The following TENT4A variants were observed in gnomAD, a reference collection of about 807,000 sequenced individuals.
TENT4A encodes DNA polymerase kappa.
TENT4A carries 7 observed loss-of-function variants against 72.8 expected under a neutral mutation model. The ratio of observed to expected loss-of-function variants is 0.10; its 90% CI spans 0.05 to 0.18. The LOEUF (loss-of-function observed/expected upper bound fraction) is 0.18. TENT4A is among the 10% of genes least tolerant of loss of function. The probability of loss-of-function intolerance (pLI) is 1.00; values close to 1 mark genes in which losing one functional copy is unlikely to be tolerated. For missense variants in TENT4A, 831 were observed against 1,017.7 expected, an observed-to-expected ratio of 0.82 and a Z score of 2.50; for synonymous variants, 456 against 434.3, an observed-to-expected ratio of 1.05 and a Z score of -0.62.
chr5:6,744,754 C>G (rs908127473), intron 6 of TENT4A, among the ~76,000 whole-genome samples: 12 of 152,170 alleles, frequency 7.9e-5, no homozygotes, highest in African/African-American at 2.9e-4. Flanking sequence ...CTTCACTTTC[C>G]CCTCTGAGAT....
At chr5:6,736,698 TG>T (rs1462625625) in intron 1 of TENT4A, among the ~76,000 whole-genome samples, 1 of 152,212 alleles carries the variant, frequency 6.6e-6, no homozygotes, top group East Asian at 1.9e-4. Context: ...TTGGAGCCCA[TG>T]GGGTGACAGG....
intron 2 of TENT4A, 145 bp from the exon 3 acceptor site, chr5:6,738,538 G>T: frequency 1.4e-6 from 1 of 691,868 alleles, no homozygotes; most frequent in East Asian, 2.5e-5. Flanking sequence ...CTGGTTGATT[G>T]TTATACGGTC....
intron 3 of TENT4A, among the ~76,000 whole-genome samples, 179 bp from the exon 4 acceptor site, chr5:6,739,553 G>A (rs1262861110): frequency 2.0e-5 from 3 of 152,192 alleles, no homozygotes; most frequent in Admixed American, 1.3e-4. Flanking sequence ...TAAGTTCAGC[G>A]AGGACTTGCT....
intron 1 of TENT4A, among the ~76,000 whole-genome samples, chr5:6,716,180 C>CT (rs1313905831): frequency 6.6e-6 from 1 of 152,142 alleles, no homozygotes; most frequent in Non-Finnish European, 1.5e-5. Flanking sequence ...CCAGGTAACT[C>CT]TAGTCAGGCT....
intron 1 of TENT4A, among the ~76,000 whole-genome samples, chr5:6,721,073 G>A (rs1044107218): frequency 7.9e-5 from 12 of 152,204 alleles, no homozygotes; most frequent in African/African-American, 2.7e-4. Context: ...TTTGGCTCTT[G>A]TGGAGTTGCT....
rs552346576 is a variant in TENT4A, at chr5:6,729,512, C to T, written c.717-7998C>T. ...CTTGAGCTAGCAAGCAAGGCTTGCA[C>T]TAGCTTCCAGGCGCAGTCACGCAGT... On this transcript the variant is annotated intron_variant, in intron 1 of 12. Coordinates refer to ENST00000230859, the MANE Select transcript of TENT4A (RefSeq NM_006999.6). 1.2e-4 allele frequency among the ~76,000 whole-genome samples: 18 copies of T among 152,386 alleles called. No individual in the cohort carries two copies. In the South Asian group the frequency reaches 3.5e-3, roughly 30 times the overall value.
chr5:6,750,300 A>T, intron 9 of TENT4A, 31 bp from the exon 10 acceptor site: 1 of 1,583,924 alleles, frequency 6.3e-7, no homozygotes, highest in Admixed American at 1.8e-5. Flanking sequence ...AGTTCTCAGG[A>T]GTTATTAACC....
intron 1 of TENT4A, among the ~76,000 whole-genome samples, chr5:6,731,685 C>T (rs1044359361): frequency 2.0e-5 from 3 of 152,110 alleles, no homozygotes; most frequent in Admixed American, 6.5e-5. Flanking sequence ...GACTGCAGGC[C>T]TGGGCCAAAA....
Position 6,741,405 on chromosome 5 carries a change from A to AG in TENT4A, c.1009-1084dup, listed in dbSNP as rs28363366. Among the ~76,000 whole-genome samples the AG allele has an allele frequency of 3.9e-3, 593 of 152,244 alleles. 4 individuals carry two copies. The highest frequency in any genetic ancestry group is 0.014 in the African/African-American group (568 of 41,540). On this transcript the variant is annotated intron_variant, in intron 4 of 12. Transcript: ENST00000230859. The stretch of plus-strand genomic sequence containing the variant: ...GGATTTGGGGTTCCTGCCGTGAGTG[A>AG]GTGTGTGCAAGAGTAGGGCAGGAGA...
chr5:6,715,504 G>C (rs369799564), intron 1 of TENT4A, among the ~76,000 whole-genome samples: 3 of 152,204 alleles, frequency 2.0e-5, no homozygotes, highest in African/African-American at 7.2e-5. Flanking sequence ...GGGCTTTTCT[G>C]AGCGTCTGGA....
intron 12 of TENT4A, among the ~76,000 whole-genome samples, chr5:6,754,357 C>T (rs566713335): frequency 3.3e-5 from 5 of 152,224 alleles, no homozygotes; most frequent in South Asian, 2.1e-4. Flanking sequence ...TTAGTAGAGA[C>T]GGGGTTTCAC....
rs774404623 is a variant in TENT4A at position 6,752,951 on chromosome 5, T to C, written c.2098T>C (p.Ser700Pro). 34 of 1,614,016 alleles carry C rather than the reference T, an allele frequency of 2.1e-5. No homozygotes were observed. The East Asian group carries it at 7.1e-4, about 34-fold the overall frequency. The change falls in exon 12 of 13, where the codon TCT becomes CCT. Residue 700 changes from serine to proline, a missense_variant. Ser to Pro is a moderately conservative substitution (Grantham distance 74, BLOSUM62 -1). Coordinates refer to ENST00000230859, the MANE Select transcript of TENT4A (RefSeq NM_006999.6). Reference sequence around the variant, plus strand: ...ACAAGCTGGTGTAGAAGGAACTGCGTCTTTGAAAGCCGTCCACCACATGTC... The same window carrying C: ...ACAAGCTGGTGTAGAAGGAACTGCGCCTTTGAAAGCCGTCCACCACATGTC... Reference protein sequence around the residue: ...CRQAGVEGTASLKAVHHMSSP... With the variant: ...CRQAGVEGTAPLKAVHHMSSP...
chr5:6,732,512 G>A (rs1741263492), intron 1 of TENT4A, among the ~76,000 whole-genome samples: 1 of 152,172 alleles, frequency 6.6e-6, no homozygotes, highest in Admixed American at 6.5e-5. Flanking sequence ...TGCTGATCTT[G>A]CTTTTCAGTA....
intron 1 of TENT4A, among the ~76,000 whole-genome samples, chr5:6,721,657 G>GC (rs1740660810): frequency 6.6e-6 from 1 of 152,228 alleles, no homozygotes; most frequent in African/African-American, 2.4e-5. Flanking sequence ...CCACATCTGG[G>GC]CCCGGGCGGG....
Position 6,755,191 on chromosome 5 carries a change from A to G in TENT4A, c.*246A>G. The G allele has an allele frequency of 2.6e-6, 1 of 389,866 alleles. No individual in the cohort carries two copies. The highest frequency in any genetic ancestry group is 4.6e-6 in the Non-Finnish European group (1 of 217,530). The allele number at this position is 389,866 out of a possible 1,614,324, so 24.2% of individuals were successfully genotyped here. A position where few individuals can be genotyped will look rare whatever the true frequency, so the allele number is the denominator to read the frequency against. On this transcript the variant is annotated 3_prime_UTR_variant, in exon 13 of 13. Coordinates refer to ENST00000230859, the MANE Select transcript of TENT4A (RefSeq NM_006999.6). Reference sequence around the variant, plus strand: ...TCTGCCTTCCCAGGATTCTTCCTTCAGTGCTGAGGCAGGTCGGGCTCAGGA... The same window carrying G: ...TCTGCCTTCCCAGGATTCTTCCTTCGGTGCTGAGGCAGGTCGGGCTCAGGA...
chr5:6,716,387 C>T (rs568423096), intron 1 of TENT4A, among the ~76,000 whole-genome samples: 1 of 152,208 alleles, frequency 6.6e-6, no homozygotes, highest in Non-Finnish European at 1.5e-5. Context: ...CTCTCACGCT[C>T]TTCGTCACCC....
At position 6,756,555 on chromosome 5, in the gene TENT4A, T is replaced by G. The variant is rs1052306649; in HGVS notation, c.*1610T>G. On this transcript the variant is annotated 3_prime_UTR_variant, in exon 13 of 13. Coordinates refer to ENST00000230859, the MANE Select transcript of TENT4A (RefSeq NM_006999.6). ...TCTGCCCTTTTGAAGCAGGACTGGC[T>G]CACTCTGTCATTGGGAGCTGTCAGC... 5 of 152,408 alleles carry G rather than the reference T, an allele frequency of 3.3e-5. No homozygotes were observed. Among genetic ancestry groups the G allele is most frequent in the African/African-American group, 1.2e-4 (5 of 41,442 alleles). The allele number at this position is 152,408 out of a possible 1,614,324, so 9.4% of individuals were successfully genotyped here.
chr5:6,721,086 T>C (rs182388602), intron 1 of TENT4A, among the ~76,000 whole-genome samples: 1 of 152,264 alleles, frequency 6.6e-6, no homozygotes, highest in Admixed American at 6.5e-5. Context: ...GAGTTGCTGC[T>C]ATTACTAAGT....
intron 1 of TENT4A, among the ~76,000 whole-genome samples, chr5:6,724,428 A>G (rs1740810108): frequency 6.6e-6 from 1 of 152,336 alleles, no homozygotes; most frequent in East Asian, 1.9e-4. Context: ...GTGAAATGCA[A>G]AGGAATTCTA....
Sources: gnomAD v4.1 joint callset for allele counts (sites outside exome capture counted in the v4.1 genomes callset) on GRCh38, gnomAD v4.1.1 for gene constraint, MANE v1.5 for transcripts, NCBI Gene and HGNC (gene_info 2026-07-23, HGNC 2026-07-21) for gene names.